The following MDGA2 variants were observed in gnomAD, a reference collection of about 807,000 sequenced individuals.
MDGA2 encodes MAM domain-containing glycosylphosphatidylinositol anchor protein 2.
In MDGA2, 40 loss-of-function variants were observed where a neutral mutation model predicts 117.8. That is an observed-to-expected ratio of 0.34 (90% confidence interval 0.26 to 0.44). The LOEUF is 0.44. Ranked by LOEUF, MDGA2 falls within the 20% of genes least tolerant of loss-of-function variation. The pLI is 1.00. For missense variants in MDGA2, 1,123 were observed against 1,250.6 expected (o/e 0.90, Z 1.54); for synonymous variants, 452 against 439.0 (o/e 1.03, Z -0.37).
chr14:47,261,611 A>G (rs142346317), intron 2 of MDGA2, among the ~76,000 whole-genome samples: 1 of 152,170 alleles, frequency 6.6e-6, no homozygotes, highest in African/African-American at 2.4e-5. Flanking sequence ...TGCCAAGTAC[A>G]GCAGCAAAAA....
At chr14:47,426,149 A>T (rs543038563) in intron 1 of MDGA2, among the ~76,000 whole-genome samples, 1 of 152,254 alleles carries the variant, frequency 6.6e-6, no homozygotes, top group East Asian at 1.9e-4. Context: ...TGGCGGGGAT[A>T]CATTCTTCTG....
chr14:47,334,139 A>G (rs1391488912), intron 1 of MDGA2, among the ~76,000 whole-genome samples: 1 of 151,846 alleles, frequency 6.6e-6, no homozygotes, highest in African/African-American at 2.4e-5. Context: ...AACAAAGCAA[A>G]AAACCTTCTT....
intron 1 of MDGA2, among the ~76,000 whole-genome samples, chr14:47,477,031 G>A (rs1045646677): frequency 2.6e-5 from 4 of 152,020 alleles, no homozygotes; most frequent in East Asian, 1.9e-4. Context: ...GCGTGGTGGC[G>A]CACGCCTGTA....
chr14:47,478,009 T>C (rs936632157), intron 1 of MDGA2, among the ~76,000 whole-genome samples: 1 of 152,222 alleles, frequency 6.6e-6, no homozygotes, highest in Non-Finnish European at 1.5e-5. Flanking sequence ...CTTGCTGCTT[T>C]TAAGGTACTT....
At chr14:47,186,656 C>T (rs1250634846) in intron 3 of MDGA2, among the ~76,000 whole-genome samples, 1 of 151,894 alleles carries the variant, frequency 6.6e-6, no homozygotes, top group Non-Finnish European at 1.5e-5. Flanking sequence ...AGTAATTGAG[C>T]TGATTTTCAA....
At chr14:47,504,763 A>G (rs1464304910) in intron 1 of MDGA2, among the ~76,000 whole-genome samples, 1 of 152,222 alleles carries the variant, frequency 6.6e-6, no homozygotes, top group African/African-American at 2.4e-5. Context: ...AAACTAGTAC[A>G]GCCATTATGG....
At chr14:47,341,971 C>CT (rs1416924897) in intron 1 of MDGA2, among the ~76,000 whole-genome samples, 1 of 152,040 alleles carries the variant, frequency 6.6e-6, no homozygotes, top group Non-Finnish European at 1.5e-5. Context: ...TCCCAAGTAG[C>CT]TGGGATTACA....
intron 6 of MDGA2, among the ~76,000 whole-genome samples, chr14:47,088,037 TTAAC>T (rs1890971773): frequency 6.6e-6 from 1 of 152,124 alleles, no homozygotes; most frequent in African/African-American, 2.4e-5. Flanking sequence ...AGAACCATGT[TTAAC>T]TAAGCTGCCT....
chr14:47,285,947 T>C (rs539776646), intron 2 of MDGA2, among the ~76,000 whole-genome samples: 1 of 152,116 alleles, frequency 6.6e-6, no homozygotes, highest in Admixed American at 6.6e-5. Context: ...AAAGTAATAA[T>C]GCCTGTCATA....
chr14:47,662,390 T>C lies in MDGA2; in HGVS notation c.280+12127A>G, dbSNP rs1295165925. Among the ~76,000 whole-genome samples the C allele has an allele frequency of 2.0e-5, 3 of 152,310 alleles. No homozygotes were observed. The East Asian group carries it at 5.8e-4, about 29-fold the overall frequency. Reference sequence around the variant, plus strand: ...TATTTGTATTATGAATGTGTGTATGTATATGCACATGTGCATGTGTGTGTG... The same window carrying C: ...TATTTGTATTATGAATGTGTGTATGCATATGCACATGTGCATGTGTGTGTG... On this transcript the variant is annotated intron_variant, in intron 1 of 16. Transcript: ENST00000399232.
intron 3 of MDGA2, among the ~76,000 whole-genome samples, chr14:47,178,656 G>A (rs1884575355): frequency 6.6e-6 from 1 of 152,100 alleles, no homozygotes; most frequent in South Asian, 2.1e-4. Context: ...AATTCAATGA[G>A]GCAGAAAGAA....
chr14:47,565,204 C>T (rs561211232), intron 1 of MDGA2, among the ~76,000 whole-genome samples: 1 of 152,274 alleles, frequency 6.6e-6, no homozygotes, highest in East Asian at 1.9e-4. Flanking sequence ...TTTTGAGTTG[C>T]CAGAGTTCTT....
intron 1 of MDGA2, among the ~76,000 whole-genome samples, chr14:47,572,937 G>A (rs928898534): frequency 6.6e-6 from 1 of 152,010 alleles, no homozygotes; most frequent in African/African-American, 2.4e-5. Flanking sequence ...TTTATTTTTT[G>A]GTTATTTTAA....
At chr14:47,610,245 CT>C (rs1896822689) in intron 1 of MDGA2, among the ~76,000 whole-genome samples, 1 of 152,018 alleles carries the variant, frequency 6.6e-6, no homozygotes, top group South Asian at 2.1e-4. Context: ...AGCATTCCCT[CT>C]GAGAACTGGA....
intron 1 of MDGA2, among the ~76,000 whole-genome samples, chr14:47,320,368 G>A (rs79235364): frequency 0.03 from 4,519 of 152,120 alleles, 222 homozygotes; most frequent in African/African-American, 0.1. Context: ...GGGTGACAGA[G>A]ATACTGTCTC....
At chr14:47,591,867 C>A (rs71418158) in intron 1 of MDGA2, among the ~76,000 whole-genome samples, 21,470 of 151,910 alleles carry the variant, frequency 0.14, 1,965 homozygotes, top group Non-Finnish European at 0.21. Flanking sequence ...TTTTGAAAAC[C>A]GGCACAAGAC....
intron 10 of MDGA2, among the ~76,000 whole-genome samples, chr14:46,893,166 T>TA (rs1882946157): frequency 1.3e-5 from 2 of 151,842 alleles, no homozygotes; most frequent in African/African-American, 4.8e-5. Context: ...TACCCAGCTT[T>TA]AAAAAAACAA....
In MDGA2 at chr14:46,845,854, G is replaced by T; in HGVS notation, c.2901C>A (p.Ile967=). ...TGTCACCTTCTATTCCAGGACCTCG[G>T]ATACCTTCAAAAATGAGCTACAAAT... The part of the protein sequence containing the change: ...ITSFQLIFEG[I]RGPGIEGDIA... Residue 967 remains isoleucine (I), a synonymous_variant, in exon 16 of 17, where the codon ATC becomes ATA. Coordinates refer to ENST00000399232, the MANE Select transcript of MDGA2 (RefSeq NM_001113498.3). The T allele has an allele frequency of 6.2e-7, 1 of 1,612,480 alleles. No individual in the cohort carries two copies. Among genetic ancestry groups the T allele is most frequent in the Non-Finnish European group, 8.5e-7 (1 of 1,178,884 alleles).
At chr14:47,666,687 A>T (rs1298329598) in intron 1 of MDGA2, among the ~76,000 whole-genome samples, 2 of 152,192 alleles carry the variant, frequency 1.3e-5, no homozygotes, top group Non-Finnish European at 2.9e-5. Context: ...AGGCTGCCTG[A>T]GCCAGCAGTG....
Sources: gnomAD v4.1 joint callset for allele counts (sites outside exome capture counted in the v4.1 genomes callset) on GRCh38, gnomAD v4.1.1 for gene constraint, MANE v1.5 for transcripts, NCBI Gene and HGNC (gene_info 2026-07-23, HGNC 2026-07-21) for gene names.